The following CEP350 variants were observed in gnomAD, a reference collection of about 807,000 sequenced individuals.
The protein encoded by CEP350 is centrosome-associated protein 350.
Under a neutral mutation model 331.8 loss-of-function variants are expected in CEP350, and 126 were observed. The ratio of observed to expected loss-of-function variants is 0.38; its 90% CI spans 0.33 to 0.44. The LOEUF (loss-of-function observed/expected upper bound fraction) is 0.44, where lower values mean the gene tolerates loss of function less well. CEP350 is among the 20% of genes least tolerant of loss of function. The pLI is 1.00. For missense variants in CEP350, 3,406 were observed against 3,634.6 expected (o/e 0.94, Z 1.62); for synonymous variants, 1,200 against 1,259.5 (o/e 0.95, Z 1.00).
intron 37 of CEP350, among the ~76,000 whole-genome samples, chr1:180,100,521 A>C (rs1003622884): frequency 6.6e-6 from 1 of 152,232 alleles, no homozygotes; most frequent in African/African-American, 2.4e-5. Context: ...ATTGAGTCAA[A>C]AATTGTGCTA....
chr1:180,081,403 A>G lies in CEP350; in HGVS notation c.6124+742A>G, dbSNP rs116781280. On this transcript the variant is annotated intron_variant, in intron 30 of 37. Transcript: ENST00000367607. ...TCAAAGAGTAGATGTACCATAATTT[A>G]TTTAACTGTTTCCCTAGTGATGGCT... Among the ~76,000 whole-genome samples the G allele has an allele frequency of 4.1e-3, 631 of 152,320 alleles. 5 individuals are homozygous for G. Among genetic ancestry groups the G allele is most frequent in the African/African-American group, 0.015 (605 of 41,562 alleles).
rs1318418593 is a variant in CEP350 at position 180,043,112 on chromosome 1, C to T, written c.4419C>T (p.Pro1473=). Residue 1473 remains proline, a synonymous_variant, in exon 20 of 38, where the codon CCC becomes CCT. Transcript: ENST00000367607. ...ISDAVVASGA[P]LAILYDHQRQ... ...ATGCTGTCGTGGCTTCAGGAGCTCCCCTTGCAATACTGTATGACCACCAAC... is the reference window on the plus strand; with the variant it reads ...ATGCTGTCGTGGCTTCAGGAGCTCCTCTTGCAATACTGTATGACCACCAAC... 1.2e-6 allele frequency: 2 copies of T among 1,613,724 alleles called. No homozygotes were observed. Among genetic ancestry groups the T allele is most frequent in the Admixed American group, 1.7e-5 (1 of 60,006 alleles).
intron 3 of CEP350, among the ~76,000 whole-genome samples, chr1:179,989,656 G>C (rs545196114): frequency 6.6e-6 from 1 of 152,156 alleles, no homozygotes; most frequent in African/African-American, 2.4e-5. Flanking sequence ...CAGTCATTGA[G>C]AACTTTGGTG....
chr1:179,977,796 A>AT (rs1218066749), intron 1 of CEP350, among the ~76,000 whole-genome samples: 10 of 151,978 alleles, frequency 6.6e-5, no homozygotes, highest in Non-Finnish European at 1.2e-4. Context: ...ATAAACTTTA[A>AT]TTTTTTAAAA....
intron 22 of CEP350, among the ~76,000 whole-genome samples, chr1:180,051,377 A>G (rs937882547): frequency 3.3e-5 from 5 of 152,216 alleles, no homozygotes; most frequent in Admixed American, 6.5e-5. Context: ...ATATGATTCA[A>G]TTTATATGAC....
chr1:179,991,665 A>ATG (rs1478542787), intron 4 of CEP350, among the ~76,000 whole-genome samples: 4,251 of 67,060 alleles, frequency 0.063, 62 homozygotes, highest in Non-Finnish European at 0.094. Context: ...GTATATATAT[A>ATG]TATGTGTGTG....
chr1:180,098,782 A>C, intron 36 of CEP350, 81 bp from the exon 37 acceptor site: 1 of 1,095,912 alleles, frequency 9.1e-7, no homozygotes, highest in Non-Finnish European at 1.3e-6. Context: ...TCTTATCGTG[A>C]ATCTGTTTAC....
rs767373343 is a variant in CEP350, at chr1:179,997,080, A to G, written c.923A>G (p.His308Arg). ...ETNGRGQKLGHIDHPVMVVNV... is the reference protein window; with the variant it reads ...ETNGRGQKLGRIDHPVMVVNV... ...AATGGCCGGGGCCAGAAGCTGGGTC[A>G]TATTGACCATCCAGTAATGGTTGTT... The change falls in exon 6 of 38, where the codon CAT becomes CGT. Residue 308 changes from histidine (H) to arginine (R), a missense_variant. Coordinates refer to ENST00000367607, the MANE Select transcript of CEP350 (RefSeq NM_014810.5). 31 of 1,613,960 alleles carry G rather than the reference A, an allele frequency of 1.9e-5. No homozygotes were observed. The highest frequency in any genetic ancestry group is 3.3e-4 in the Middle Eastern group (2 of 6,084).
At chr1:180,034,200 T>C in intron 16 of CEP350, 118 bp downstream of exon 16, 1 of 1,244,896 alleles carries the variant, frequency 8.0e-7, no homozygotes, top group Non-Finnish European at 1.1e-6. Context: ...GTGAATATGA[T>C]TACTTTTCAA....
intron 27 of CEP350, chr1:180,073,991 C>A: frequency 1.7e-6 from 2 of 1,211,630 alleles, no homozygotes; most frequent in Non-Finnish European, 2.2e-6. Flanking sequence ...TTCTCTCTCT[C>A]TCTCTTTTTT....
chr1:180,050,801 A>C (rs1194384286), intron 22 of CEP350, among the ~76,000 whole-genome samples: 1 of 152,212 alleles, frequency 6.6e-6, no homozygotes, highest in Non-Finnish European at 1.5e-5. Context: ...CACAGGAAAA[A>C]GTCTTCAACA....
Position 179,987,239 on chromosome 1 carries a change from G to A in CEP350, c.74-1G>A, listed in dbSNP as rs760234634. ...AAAGTAAATATCATTTTTTTTCCCA[G>A]CAGATATAACCACATCGTGGGATGC... On this transcript the variant is annotated splice_acceptor_variant, in intron 2 of 37. Transcript: ENST00000367607. LOFTEE classifies it high-confidence loss of function. 39 of 1,512,866 alleles carry A rather than the reference G, an allele frequency of 2.6e-5. No homozygotes were observed. The highest frequency in any genetic ancestry group is 3.4e-5 in the Non-Finnish European group (37 of 1,101,380). 93.7% of individuals were successfully genotyped at this position (1,512,866 alleles called of 1,614,324 possible).
In CEP350 at chr1:180,015,909, C is replaced by T. The variant is rs1654940204; in HGVS notation, c.2113C>T (p.Pro705Ser). The T allele has an allele frequency of 1.2e-6, 2 of 1,613,914 alleles. No homozygotes were observed. The highest frequency in any genetic ancestry group is 1.7e-6 in the Non-Finnish European group (2 of 1,179,856). The change falls in exon 11 of 38, where the codon CCC becomes TCC. Residue 705 changes from proline (P) to serine (S), a missense_variant. Around this residue, in one of 5 missense-constraint regions of CEP350, gnomAD observed 1,857 missense variants for 1,909.2 expected, o/e 0.97. Transcript: ENST00000367607. ...CAAAGAAAACAAAGTACAGGAACGT[C>T]CCCCAAGTGCATCTTCCAGTAGTGA... ...SDKENKVQER[P>S]PSASSSSDMS...
At position 180,031,348 on chromosome 1, in the gene CEP350, G is replaced by A; in HGVS notation, c.3579G>A (p.Gln1193=). ...EWLDSFTGNV[Q]NSLLDEEKAE... ...TGGATTCATTCACTGGAAATGTTCA[G>A]AACTCACTTCTTGATGAGGAAAAAG... Residue 1193 remains glutamine (Q), a synonymous_variant, in exon 15 of 38, where the codon CAG becomes CAA. Coordinates refer to ENST00000367607, the MANE Select transcript of CEP350 (RefSeq NM_014810.5). 1 of 1,606,326 alleles carries A rather than the reference G, an allele frequency of 6.2e-7. No homozygotes were observed. The highest frequency in any genetic ancestry group is 8.5e-7 in the Non-Finnish European group (1 of 1,174,966).
At position 179,954,901 on chromosome 1, in the gene CEP350, A is replaced by G; in HGVS notation, c.-255A>G. 1 of 574,658 alleles carries G rather than the reference A, an allele frequency of 1.7e-6. No homozygotes were observed. Among genetic ancestry groups the G allele is most frequent in the Non-Finnish European group, 2.7e-6 (1 of 366,386 alleles). The allele number at this position is 574,658 out of a possible 1,614,324, so 35.6% of individuals were successfully genotyped here. On this transcript the variant is annotated 5_prime_UTR_variant, in exon 1 of 38. Transcript: ENST00000367607. ...CCAGACCTGCGCCAGAGAGAACTGCAGGGAGCCGCAGCTCGGGGGGTGGCT... is the reference window on the plus strand; with the variant it reads ...CCAGACCTGCGCCAGAGAGAACTGCGGGGAGCCGCAGCTCGGGGGGTGGCT...
intron 16 of CEP350, 61 bp downstream of exon 16, chr1:180,034,143 A>C (rs1558116148): frequency 4.6e-6 from 7 of 1,507,802 alleles, no homozygotes; most frequent in Non-Finnish European, 6.3e-6. Context: ...TTCTCTCAAC[A>C]TTCCTTTTCT....
intron 1 of CEP350, among the ~76,000 whole-genome samples, chr1:179,970,409 A>C (rs1651357317): frequency 6.6e-6 from 1 of 152,222 alleles, no homozygotes; most frequent in South Asian, 2.1e-4. Context: ...GAACAGTGTA[A>C]TAGATCTGAG....
At position 180,090,809 on chromosome 1, in the gene CEP350, A is replaced by G. The variant is rs901884289; in HGVS notation, c.6508+13A>G. 2 of 1,529,996 alleles carry G rather than the reference A, an allele frequency of 1.3e-6. No homozygotes were observed. The highest frequency in any genetic ancestry group is 4.1e-5 in the Admixed American group (2 of 48,212). 94.8% of individuals were successfully genotyped at this position (1,529,996 alleles called of 1,614,324 possible). ...GCTGAACATGTTGGTATGTAACTAG[A>G]AAAAATAATTAACTTGTAGCTACAT... On this transcript the variant is annotated intron_variant, in intron 33 of 37. Coordinates refer to ENST00000367607, the MANE Select transcript of CEP350 (RefSeq NM_014810.5).
intron 14 of CEP350, among the ~76,000 whole-genome samples, chr1:180,024,985 C>T (rs975936693): frequency 2.7e-5 from 4 of 150,514 alleles, no homozygotes; most frequent in Admixed American, 6.6e-5. Context: ...AGTGCAGTGG[C>T]GTGATCTTGG....
Sources: allele counts gnomAD v4.1 joint callset (sites outside exome capture counted in the v4.1 genomes callset), GRCh38; gene constraint gnomAD v4.1.1; regional missense constraint gnomAD v4.1.1; transcripts MANE v1.5; gene names NCBI Gene and HGNC (gene_info 2026-07-23, HGNC 2026-07-21).